WIPI2: variants seen among roughly 807,000 people sequenced by gnomAD.
WIPI2 encodes WD repeat domain phosphoinositide-interacting protein 2.
Under a neutral mutation model 52.3 loss-of-function variants are expected in WIPI2, and 28 were observed. The observed-to-expected ratio is 0.54, with a 90% CI of 0.40 to 0.73. The LOEUF (loss-of-function observed/expected upper bound fraction) is 0.73, where lower values mean the gene tolerates loss of function less well. Among genes scored for constraint, WIPI2 ranks in the 30% least tolerant of loss-of-function variants. The pLI, the probability that WIPI2 is intolerant of heterozygous loss-of-function variation, is 0.00. For missense variants in WIPI2, 506 were observed against 602.9 expected (o/e 0.84, Z 1.68); for synonymous variants, 268 against 245.0 (o/e 1.09, Z -0.88).
rs1208530916 is a variant in WIPI2 at position 5,233,157 on chromosome 7, G to A, written c.*2210G>A. On this transcript the variant is annotated 3_prime_UTR_variant, in exon 13 of 13. Coordinates refer to ENST00000288828, the MANE Select transcript of WIPI2 (RefSeq NM_015610.4). ...GAGGGAGGAGGACTGCAGATTCTTGGTCGAGAAGAATGAAGAGGATTTCTG... is the reference window on the plus strand; with the variant it reads ...GAGGGAGGAGGACTGCAGATTCTTGATCGAGAAGAATGAAGAGGATTTCTG... The A allele has an allele frequency of 6.6e-6, 1 of 152,428 alleles. No homozygotes were observed. The highest frequency in any genetic ancestry group is 2.1e-4 in the South Asian group (1 of 4,834). 9.4% of individuals were successfully genotyped at this position (152,428 alleles called of 1,614,324 possible). A position where few individuals can be genotyped will look rare whatever the true frequency, so the allele number is the denominator to read the frequency against.
rs1433026741 is a variant in WIPI2 at position 5,231,890 on chromosome 7, C to T, written c.*943C>T. 1.4e-5 allele frequency: 4 copies of T among 279,456 alleles called. No individual in the cohort carries two copies. The highest frequency in any genetic ancestry group is 5.8e-5 in the East Asian group (1 of 17,154). The allele number at this position is 279,456 out of a possible 1,614,324, so 17.3% of individuals were successfully genotyped here. A position where few individuals can be genotyped will look rare whatever the true frequency, so the allele number is the denominator to read the frequency against. On this transcript the variant is annotated 3_prime_UTR_variant, in exon 13 of 13. Coordinates refer to ENST00000288828, the MANE Select transcript of WIPI2 (RefSeq NM_015610.4). ...TTCCTACCTGTGTGAGAGGTCGTAG[C>T]GGGAGACAGCAACAGAGAGTAGGCG...
At position 5,218,016 on chromosome 7, in the gene WIPI2, T is replaced by C; in HGVS notation, c.669+2T>C. On this transcript the variant is annotated splice_donor_variant, in intron 7 of 12. Coordinates refer to ENST00000288828, the MANE Select transcript of WIPI2 (RefSeq NM_015610.4). LOFTEE classifies it high-confidence loss of function. Reference sequence around the variant, plus strand: ...AAACTTGCCACGGCTTCGGAGAAGGTGAGTCTGCTTTTCCCCGGGGGAGCA... The same window carrying C: ...AAACTTGCCACGGCTTCGGAGAAGGCGAGTCTGCTTTTCCCCGGGGGAGCA... 6.2e-7 allele frequency: 1 copy of C among 1,614,090 alleles called. No individual in the cohort carries two copies. Among genetic ancestry groups the C allele is most frequent in the Non-Finnish European group, 8.5e-7 (1 of 1,179,952 alleles).
At chr7:5,213,050 C>T (rs1782632283) in intron 3 of WIPI2, 1 of 152,236 alleles carries the variant, frequency 6.6e-6, no homozygotes, top group African/African-American at 2.4e-5. Context: ...TATCCGCTGA[C>T]AAAGATTCCT....
chr7:5,206,980 T>C (rs1006622381), intron 3 of WIPI2, among the ~76,000 whole-genome samples: 18 of 152,192 alleles, frequency 1.2e-4, no homozygotes, highest in Non-Finnish European at 2.6e-4. Context: ...GATCTTGTTA[T>C]GTTGTCCAGG....
chr7:5,206,716 T>C (rs1415787004), intron 3 of WIPI2, among the ~76,000 whole-genome samples: 1 of 152,168 alleles, frequency 6.6e-6, no homozygotes, highest in Non-Finnish European at 1.5e-5. Flanking sequence ...CCCTTGACAT[T>C]TTACTATACT....
Position 5,222,583 on chromosome 7 carries a change from T to C in WIPI2, c.670-19T>C. On this transcript the variant is annotated intron_variant, in intron 7 of 12. Transcript: ENST00000288828. ...TTTTAACTCAGCTCAAATTCTTCTT[T>C]TCTCTTTTCCTTCCACAGGGGACCG... The C allele has an allele frequency of 6.2e-7, 1 of 1,611,912 alleles. No individual in the cohort carries two copies. The highest frequency in any genetic ancestry group is 2.2e-5 in the East Asian group (1 of 44,830).
At chr7:5,208,516 G>A (rs1022267369) in intron 3 of WIPI2, among the ~76,000 whole-genome samples, 2 of 151,110 alleles carry the variant, frequency 1.3e-5, no homozygotes, top group Admixed American at 1.3e-4. Flanking sequence ...TTTCCTATGT[G>A]TTCTGTGAAA....
chr7:5,230,940 C>T lies in WIPI2; in HGVS notation c.1358C>T (p.Thr453Ile). 13 of 1,610,880 alleles carry T rather than the reference C, an allele frequency of 8.1e-6. No individual in the cohort carries two copies. The highest frequency in any genetic ancestry group is 2.2e-5 in the East Asian group (1 of 44,626). Residue 453 changes from threonine (T) to isoleucine (I), a missense_variant, in exon 13 of 13, where the codon ACT (threonine) becomes ATT (isoleucine). Physicochemically the swap from Thr to Ile is moderately conservative, Grantham distance 89. Around this residue, in one of 4 missense-constraint regions of WIPI2, gnomAD observed 194 missense variants for 175.1 expected, o/e 1.11. Coordinates refer to ENST00000288828, the MANE Select transcript of WIPI2 (RefSeq NM_015610.4). This position sits in a 1 kb window ranked among gnomAD's most constrained non-coding sequence, Gnocchi z 4.8. ...DSEHPPMILR[T>I]D ...GAGCACCCGCCCATGATTCTTCGGA[C>T]TGACTGAACTTGACCTGTGACCTCT... is the stretch of plus-strand genomic sequence containing the variant.
At chr7:5,191,160 C>T (rs1781465909) in intron 1 of WIPI2, among the ~76,000 whole-genome samples, 2 of 152,048 alleles carry the variant, frequency 1.3e-5, no homozygotes, top group Non-Finnish European at 2.9e-5. Context: ...GCTGAGACTA[C>T]AGGCACGCGC....
At chr7:5,214,811 C>A in intron 4 of WIPI2, 107 bp downstream of exon 4, 2 of 1,305,514 alleles carry the variant, frequency 1.5e-6, no homozygotes, top group Non-Finnish European at 1.1e-6. Flanking sequence ...TGCTGCCTGG[C>A]CCCACGTTGC....
At chr7:5,197,202 A>G (rs1781799037) in intron 2 of WIPI2, among the ~76,000 whole-genome samples, 1 of 151,546 alleles carries the variant, frequency 6.6e-6, no homozygotes. Flanking sequence ...GGGGTACACC[A>G]AACCCTCAAC....
chr7:5,208,580 A>G (rs1229700345), intron 3 of WIPI2, among the ~76,000 whole-genome samples: 1 of 152,176 alleles, frequency 6.6e-6, no homozygotes, highest in Non-Finnish European at 1.5e-5. Flanking sequence ...ATTTAAGTCA[A>G]TAATCTATCT....
rs1380517079 is a variant in WIPI2 at position 5,214,715 on chromosome 7, C to T, written c.381+11C>T. ...AAGCTCAACAGGCAGGTGAGCGCTG[C>T]CCCAGCTGGGTGTGGGCTTGTCTGT... is the stretch of plus-strand genomic sequence containing the variant. On this transcript the variant is annotated intron_variant, in intron 4 of 12. Coordinates refer to ENST00000288828, the MANE Select transcript of WIPI2 (RefSeq NM_015610.4). 7.4e-6 allele frequency: 12 copies of T among 1,613,038 alleles called. No homozygotes were observed. Among genetic ancestry groups the T allele is most frequent in the Non-Finnish European group, 9.3e-6 (11 of 1,179,964 alleles).
At chr7:5,203,407 C>T (rs1282614331) in intron 3 of WIPI2, among the ~76,000 whole-genome samples, 1 of 152,178 alleles carries the variant, frequency 6.6e-6, no homozygotes, top group Non-Finnish European at 1.5e-5. Flanking sequence ...CTTCCCTTCC[C>T]ACTCCAGAGC....
chr7:5,223,908 C>G (rs1783281455), intron 8 of WIPI2, among the ~76,000 whole-genome samples: 1 of 152,276 alleles, frequency 6.6e-6, no homozygotes, highest in Non-Finnish European at 1.5e-5. Context: ...CCCTGTGCCT[C>G]TCCCGCCACG....
chr7:5,203,282 G>A (rs951687190), intron 3 of WIPI2, among the ~76,000 whole-genome samples: 3 of 152,178 alleles, frequency 2.0e-5, no homozygotes, highest in Non-Finnish European at 2.9e-5. Flanking sequence ...GAGAAACCAC[G>A]AGCGTCCCTT....
intron 2 of WIPI2, among the ~76,000 whole-genome samples, chr7:5,194,548 A>G (rs959117891): frequency 2.0e-5 from 3 of 152,250 alleles, no homozygotes; most frequent in African/African-American, 7.2e-5. Context: ...TGGATCAAAC[A>G]TAAGCATTTA....
At chr7:5,217,218 C>T (rs185427645) in intron 6 of WIPI2, 31 bp downstream of exon 6, 1 of 1,611,396 alleles carries the variant, frequency 6.2e-7, no homozygotes. Flanking sequence ...GAATAGCTCT[C>T]TAAAGTGTGG....
chr7:5,228,694 C>G (rs369971326), intron 11 of WIPI2, among the ~76,000 whole-genome samples: 27 of 152,300 alleles, frequency 1.8e-4, no homozygotes, highest in African/African-American at 5.1e-4. Context: ...TTCATTCTGT[C>G]TTACATGTTT....
Sources: gnomAD v4.1 joint callset for allele counts (sites outside exome capture counted in the v4.1 genomes callset) on GRCh38, gnomAD v4.1.1 for gene constraint, gnomAD v4.1.1 regional missense constraint, Gnocchi (gnomAD v3.1) non-coding constraint, MANE v1.5 for transcripts, NCBI Gene and HGNC (gene_info 2026-07-23, HGNC 2026-07-21) for gene names.